The following MAML3 variants were observed in gnomAD, a reference collection of about 807,000 sequenced individuals.
MAML3 encodes mastermind like transcriptional coactivator 3.
In MAML3, 27 loss-of-function variants were observed where a neutral mutation model predicts 101.9. The ratio of observed to expected loss-of-function variants is 0.27; its 90% CI spans 0.20 to 0.37. The LOEUF (loss-of-function observed/expected upper bound fraction) is 0.37. Among genes scored for constraint, MAML3 ranks in the 10% least tolerant of loss-of-function variants. The pLI is 1.00. For missense variants in MAML3, 1,316 were observed against 1,444.9 expected (o/e 0.91, Z 1.45); for synonymous variants, 501 against 555.9 (o/e 0.90, Z 1.39).
At chr4:140,011,165 TGACATATATGTC>T (rs1726552251) in intron 1 of MAML3, among the ~76,000 whole-genome samples, 1 of 81,234 alleles carries the variant, frequency 1.2e-5, no homozygotes, top group African/African-American at 4.9e-5. Context: ...TTTATATATA[TGACATATATGTC>T]ATATATATTT....
intron 1 of MAML3, among the ~76,000 whole-genome samples, chr4:139,977,000 G>A (rs972013111): frequency 1.3e-5 from 2 of 152,052 alleles, no homozygotes; most frequent in Non-Finnish European, 2.9e-5. Context: ...ATATTAGAAG[G>A]TGGGGCTTTT....
intron 2 of MAML3, among the ~76,000 whole-genome samples, chr4:139,866,570 C>T (rs771194157): frequency 6.6e-6 from 1 of 152,152 alleles, no homozygotes; most frequent in Non-Finnish European, 1.5e-5. Context: ...GGTCAGACCC[C>T]GCCCAAGATG....
intron 1 of MAML3, among the ~76,000 whole-genome samples, chr4:140,004,128 T>C (rs561679927): frequency 6.8e-4 from 103 of 152,350 alleles, no homozygotes; most frequent in African/African-American, 2.4e-3. Context: ...TTCAGAAGCC[T>C]TTCTGAACAC....
chr4:140,143,305 A>G (rs1275004710), intron 1 of MAML3, among the ~76,000 whole-genome samples: 1 of 152,216 alleles, frequency 6.6e-6, no homozygotes, highest in African/African-American at 2.4e-5. Context: ...CGAGTGAAAT[A>G]AGCCTCAAAT....
chr4:140,138,482 T>C (rs1728932160), intron 1 of MAML3, among the ~76,000 whole-genome samples: 1 of 152,202 alleles, frequency 6.6e-6, no homozygotes, highest in Admixed American at 6.5e-5. Context: ...CCACCTCTGT[T>C]TACCAAACAT....
At chr4:140,076,571 ACTTCTCTTGCTG>A (rs1727769598) in intron 1 of MAML3, among the ~76,000 whole-genome samples, 1 of 152,226 alleles carries the variant, frequency 6.6e-6, no homozygotes, top group African/African-American at 2.4e-5. Context: ...ACCTATGCCT[ACTTCTCTTGCTG>A]CCATTTGGTT....
chr4:140,039,839 C>T (rs1289760615), intron 1 of MAML3, among the ~76,000 whole-genome samples: 3 of 152,176 alleles, frequency 2.0e-5, no homozygotes, highest in Admixed American at 1.3e-4. Flanking sequence ...AGCAAAGATA[C>T]TCTATTATCA....
intron 2 of MAML3, among the ~76,000 whole-genome samples, chr4:139,744,271 C>T (rs142270339): frequency 4.1e-4 from 63 of 152,340 alleles, no homozygotes; most frequent in Non-Finnish European, 7.3e-4. Flanking sequence ...TCAAGCTGTG[C>T]AGCATTGCAT....
intron 2 of MAML3, among the ~76,000 whole-genome samples, chr4:139,827,934 A>G (rs1731092745): frequency 1.3e-5 from 2 of 152,236 alleles, no homozygotes; most frequent in Admixed American, 1.3e-4. Flanking sequence ...TGATAAATAC[A>G]GTGATGGTGT....
chr4:139,729,442 C>T (rs1728613519), intron 3 of MAML3, among the ~76,000 whole-genome samples: 2 of 152,062 alleles, frequency 1.3e-5, no homozygotes, highest in Non-Finnish European at 2.9e-5. Context: ...CAACATAGTG[C>T]GACCCCGTCT....
chr4:139,845,051 T>C (rs1242874138), intron 2 of MAML3, among the ~76,000 whole-genome samples: 1 of 152,192 alleles, frequency 6.6e-6, no homozygotes, highest in Non-Finnish European at 1.5e-5. Context: ...GCATCCCTTT[T>C]GATGAGATAA....
At chr4:139,867,033 G>A (rs945526553) in intron 2 of MAML3, among the ~76,000 whole-genome samples, 8 of 152,184 alleles carry the variant, frequency 5.3e-5, no homozygotes, top group Non-Finnish European at 1.2e-4. Context: ...GTTAAAAGAG[G>A]CTTGCTTTAA....
At chr4:139,863,713 C>T (rs62321868) in intron 2 of MAML3, among the ~76,000 whole-genome samples, 2,816 of 152,176 alleles carry the variant, frequency 0.019, 28 homozygotes, top group Admixed American at 0.042. Flanking sequence ...GTGGTGATTG[C>T]TCAAACACTC....
At chr4:140,078,514 G>A (rs1160635965) in intron 1 of MAML3, among the ~76,000 whole-genome samples, 1 of 152,128 alleles carries the variant, frequency 6.6e-6, no homozygotes, top group African/African-American at 2.4e-5. Flanking sequence ...TCTGCTTTCA[G>A]GGATCTCACT....
intron 1 of MAML3, among the ~76,000 whole-genome samples, chr4:139,917,360 C>A (rs1331179881): frequency 6.6e-6 from 1 of 152,138 alleles, no homozygotes; most frequent in Non-Finnish European, 1.5e-5. Flanking sequence ...CTGATGCCAT[C>A]CAATAAGGTT....
At chr4:139,968,158 A>T (rs1037573209) in intron 1 of MAML3, among the ~76,000 whole-genome samples, 1 of 151,766 alleles carries the variant, frequency 6.6e-6, no homozygotes, top group African/African-American at 2.4e-5. Context: ...ACACGCCTAT[A>T]GTCTCGGCTA....
Position 139,857,504 on chromosome 4 carries a change from T to G in MAML3, c.2079+31853A>C, listed in dbSNP as rs116533428. ...CTATTGTTTGGCTAAAATAGCTCTG[T>G]TGATTCTCAGAATCACAGAATTTCA... On this transcript the variant is annotated intron_variant, in intron 2 of 4. Transcript: ENST00000509479. Among the ~76,000 whole-genome samples the G allele has an allele frequency of 1.4e-3, 218 of 152,358 alleles. 1 individual carries two copies. Among genetic ancestry groups the G allele is most frequent in the African/African-American group, 5.0e-3 (207 of 41,582 alleles).
At position 140,071,978 on chromosome 4, in the gene MAML3, G is replaced by T. The variant is rs1173689753; in HGVS notation, c.468+80882C>A. ...AGATATGAACCCATGTGGTGGACGT[G>T]GGGGAGGAAGGGGGAGAACAGACAG... On this transcript the variant is annotated intron_variant, in intron 1 of 4. Transcript: ENST00000509479. Among the ~76,000 whole-genome samples, 5 of 152,148 alleles carry T rather than the reference G, an allele frequency of 3.3e-5. No individual in the cohort carries two copies. The South Asian group carries it at 6.2e-4, about 19-fold the overall frequency.
chr4:139,720,186 C>G lies in MAML3; in HGVS notation c.2554G>C (p.Ala852Pro). 1 of 1,614,022 alleles carries G rather than the reference C, an allele frequency of 6.2e-7. No individual in the cohort carries two copies. The highest frequency in any genetic ancestry group is 8.5e-7 in the Non-Finnish European group (1 of 1,179,868). ...QNPGTMATAA[A>P]QSEMGLAPYS... ...GGGGCCAGTCCCATCTCCGACTGCG[C>G]AGCTGCGGTGGCCATCGTCCCAGGG... Residue 852 changes from alanine to proline, a missense_variant, in exon 5 of 5, where the codon GCG becomes CCG. By Grantham distance (27) the Ala-to-Pro change is conservative (BLOSUM62 -1). Coordinates refer to ENST00000509479, the MANE Select transcript of MAML3 (RefSeq NM_018717.5).
Sources: allele counts gnomAD v4.1 joint callset (sites outside exome capture counted in the v4.1 genomes callset), GRCh38; gene constraint gnomAD v4.1.1; transcripts MANE v1.5; gene names NCBI Gene and HGNC (gene_info 2026-07-23, HGNC 2026-07-21).